Variants in IRAG2 observed in about 807,000 individuals in gnomAD.
The protein encoded by IRAG2 is lymphoid restricted membrane protein.
A neutral mutation model predicts 69.9 loss-of-function variants in IRAG2; 45 were observed. The ratio of observed to expected loss-of-function variants is 0.64; its 90% confidence interval spans 0.51 to 0.83. The LOEUF (loss-of-function observed/expected upper bound fraction) is 0.83. Among genes scored for constraint, IRAG2 ranks in the 40% least tolerant of loss-of-function variants. The pLI, the probability that IRAG2 is intolerant of heterozygous loss-of-function variation, is 0.00. For missense variants in IRAG2, 520 were observed against 587.0 expected, an observed-to-expected ratio of 0.89 and a Z score of 1.18; for synonymous variants, 193 against 202.4, an observed-to-expected ratio of 0.95 and a Z score of 0.40.
chr12:25,050,331 C>T (rs1014801005), upstream of IRAG2, among the ~76,000 whole-genome samples: 2 of 151,622 alleles, frequency 1.3e-5, no homozygotes, highest in Admixed American at 1.3e-4. Flanking sequence ...GAAATCGAGA[C>T]CATCCTGGCC....
At chr12:25,063,960 A>G (rs914211779) in intron 4 of IRAG2, 144 bp downstream of exon 4, 2 of 394,160 alleles carry the variant, frequency 5.1e-6, no homozygotes, top group Non-Finnish European at 8.9e-6. Context: ...CAATCAATAT[A>G]TATTTGAGTA....
intron 3 of IRAG2, chr12:25,015,087 T>TAAA (rs1944510792): frequency 6.2e-6 from 1 of 161,716 alleles, no homozygotes; most frequent in East Asian, 7.5e-5. Context: ...AGCATAAATC[T>TAAA]GAAAAAAAAA....
intron 16 of IRAG2, among the ~76,000 whole-genome samples, chr12:25,041,503 A>T (rs557769797): frequency 6.6e-6 from 1 of 151,616 alleles, no homozygotes; most frequent in Admixed American, 6.6e-5. Context: ...TTTTTTCAAG[A>T]CAGAGTCTCA....
upstream of IRAG2, among the ~76,000 whole-genome samples, chr12:25,051,207 A>G (rs1944864741): frequency 6.6e-6 from 1 of 152,232 alleles, no homozygotes; most frequent in Admixed American, 6.5e-5. Flanking sequence ...CGCTCAGTGG[A>G]AAGTGTGGTG....
intron 1 of IRAG2, among the ~76,000 whole-genome samples, 172 bp from the exon 2 acceptor site, chr12:25,061,420 G>A (rs754254776): frequency 1.3e-5 from 2 of 152,204 alleles, no homozygotes; most frequent in Non-Finnish European, 2.9e-5. Flanking sequence ...AGCTACTTGG[G>A]AGGTTGAAAC....
intron 6 of IRAG2, among the ~76,000 whole-genome samples, chr12:25,077,701 T>C (rs533883114): frequency 6.6e-6 from 1 of 152,204 alleles, no homozygotes; most frequent in African/African-American, 2.4e-5. Context: ...TTGTCCCTGT[T>C]CCTAGCACAA....
chr12:25,105,480 T>A (rs914496553), intron 20 of IRAG2, among the ~76,000 whole-genome samples: 6 of 152,196 alleles, frequency 3.9e-5, no homozygotes, highest in African/African-American at 1.2e-4. Flanking sequence ...GGATGGACAC[T>A]CTGCTCAATT....
chr12:25,066,391 G>A lies in IRAG2; in HGVS notation c.-180G>A, dbSNP rs761731462. Reference sequence around the variant, plus strand: ...TGCCTTATCTCTGGATAGTTTTACAGCAGTTCCAACCCTGGAATCAACACC... The same window carrying A: ...TGCCTTATCTCTGGATAGTTTTACAACAGTTCCAACCCTGGAATCAACACC... On this transcript the variant is annotated 5_prime_UTR_variant, in exon 5 of 22. Coordinates refer to ENST00000556887, the MANE Select transcript of IRAG2 (RefSeq NM_001366544.2). 1.5e-4 allele frequency: 59 copies of A among 401,000 alleles called. No homozygotes were observed. The Middle Eastern group carries it at 1.6e-3, about 11-fold the overall frequency. 24.8% of individuals were successfully genotyped at this position (401,000 alleles called of 1,614,324 possible). A position where few individuals can be genotyped will look rare whatever the true frequency, so the allele number is the denominator to read the frequency against.
chr12:25,097,713 G>C (rs1452544731), intron 15 of IRAG2: 2 of 152,152 alleles, frequency 1.3e-5, no homozygotes, highest in African/African-American at 2.4e-5. Context: ...TCACACCTTA[G>C]TTCCTTTTTA....
intron 9 of IRAG2, among the ~76,000 whole-genome samples, chr12:25,080,492 C>T (rs1340954221): frequency 6.6e-6 from 1 of 151,906 alleles, no homozygotes; most frequent in Non-Finnish European, 1.5e-5. Flanking sequence ...GCTGGGACTA[C>T]AGGTGCCCGC....
At chr12:25,047,003 G>A (rs960081193) in intron 16 of IRAG2, among the ~76,000 whole-genome samples, 2 of 152,150 alleles carry the variant, frequency 1.3e-5, no homozygotes. Context: ...AAACAGAAGA[G>A]AGAGCCTAGA....
In IRAG2 at chr12:25,101,213, T is replaced by A. The variant is rs1948733954; in HGVS notation, c.777T>A (p.Ile259=). 6.2e-7 allele frequency: 1 copy of A among 1,612,510 alleles called. No individual in the cohort carries two copies. The highest frequency in any genetic ancestry group is 8.5e-7 in the Non-Finnish European group (1 of 1,179,142). ...SRVSKAVEVM[I]QHVENLKRMY... ...TTAGTAAAGCAGTTGAAGTGATGAT[T>A]CAGCACGTAGAAAACTTGAAGAGGA... is the stretch of plus-strand genomic sequence containing the variant. The change falls in exon 16 of 22, where the codon ATT becomes ATA. Residue 259 remains isoleucine (I), a synonymous_variant. Coordinates refer to ENST00000556887, the MANE Select transcript of IRAG2 (RefSeq NM_001366544.2).
chr12:25,048,976 A>C (rs986530147), upstream of IRAG2, among the ~76,000 whole-genome samples: 2 of 152,148 alleles, frequency 1.3e-5, no homozygotes, highest in African/African-American at 4.8e-5. Context: ...AATTTTCTGC[A>C]TGTAGCTAGC....
intron 14 of IRAG2, among the ~76,000 whole-genome samples, chr12:25,095,307 G>T (rs761370234): frequency 4.0e-5 from 6 of 151,776 alleles, no homozygotes; most frequent in Non-Finnish European, 7.4e-5. Flanking sequence ...GTGGTTTTTT[G>T]CATCTTTTTG....
intron 10 of IRAG2, chr12:25,030,968 A>G (rs1944663538): frequency 2.2e-6 from 2 of 912,124 alleles, no homozygotes; most frequent in African/African-American, 1.8e-5. Flanking sequence ...ACATAGATAG[A>G]TATCATTCTA....
intron 8 of IRAG2, among the ~76,000 whole-genome samples, chr12:25,025,644 G>T (rs1029870906): frequency 6.6e-6 from 1 of 152,216 alleles, no homozygotes; most frequent in Admixed American, 6.5e-5. Context: ...TTGTAGCGGG[G>T]CAAGAGAAAA....
chr12:25,004,284 T>C (rs767612240), upstream of IRAG2: 6 of 1,103,736 alleles, frequency 5.4e-6, no homozygotes, highest in Non-Finnish European at 6.9e-6. Context: ...TTTAAACATG[T>C]ATCTACTTTT....
chr12:25,036,573 C>T (rs1042475838), intron 14 of IRAG2: 2 of 398,746 alleles, frequency 5.0e-6, no homozygotes, highest in African/African-American at 2.1e-5. Flanking sequence ...AGATGTGGAA[C>T]TCTTTTTTCA....
At chr12:25,077,242 A>AATATATATG (rs1946780246) in intron 6 of IRAG2, among the ~76,000 whole-genome samples, 3 of 87,446 alleles carry the variant, frequency 3.4e-5, no homozygotes, top group Admixed American at 1.5e-4. Flanking sequence ...ATATATATGA[A>AATATATATG]ATATATATAT....
Sources: allele counts gnomAD v4.1 joint callset (sites outside exome capture counted in the v4.1 genomes callset), GRCh38; gene constraint gnomAD v4.1.1; transcripts MANE v1.5; gene names NCBI Gene and HGNC (gene_info 2026-07-23, HGNC 2026-07-21).